Variants in OPHN1 observed in about 807,000 individuals in gnomAD.
OPHN1 encodes the protein oligophrenin 1, also known as oligophrenin-1.
In OPHN1, 11 loss-of-function variants were observed where a neutral mutation model predicts 60.7. The observed-to-expected ratio is 0.18, with a 90% CI of 0.11 to 0.30. The LOEUF (loss-of-function observed/expected upper bound fraction) is 0.30, where lower values mean the gene tolerates loss of function less well. OPHN1 is among the 10% of genes least tolerant of loss of function. The pLI is 1.00. For missense variants in OPHN1, 449 were observed against 611.0 expected (o/e 0.73, Z 2.80); for synonymous variants, 226 against 222.6 (o/e 1.02, Z -0.14).
At chrX:68,243,641 G>T (rs987496079) in intron 5 of OPHN1, among the ~76,000 whole-genome samples, 1 of 111,707 alleles carries the variant, frequency 9.0e-6, no homozygotes, top group Admixed American at 9.5e-5. Flanking sequence ...GCCCGTCTTG[G>T]CCTCCCAAAG....
intron 2 of OPHN1, among the ~76,000 whole-genome samples, chrX:68,336,676 G>A (rs1287269849): frequency 1.6e-5 from 1 of 61,392 alleles, no homozygotes; most frequent in Non-Finnish European, 2.5e-5. Context: ...GTGTGAGAGT[G>A]TGTGTGTGTG....
rs1462768193 is a variant in OPHN1 at position 68,064,052 on chromosome X, T to G, written c.1960A>C (p.Ser654Arg). 5.0e-6 allele frequency: 6 copies of G among 1,210,637 alleles called. No homozygotes were observed. The highest frequency in any genetic ancestry group is 6.7e-6 in the Non-Finnish European group (6 of 895,173). ...GETDPGRKSPSRPILDGKLEP... is the reference protein window; with the variant it reads ...GETDPGRKSPRRPILDGKLEP... ...AACTTGCCATCCAAAATAGGCCTGC[T>G]TGGGGACTTCCTCCCAGGATCAGTT... Residue 654 changes from serine to arginine, a missense_variant, in exon 21 of 25, where the codon AGC (serine) becomes CGC (arginine). Physicochemically the swap from Ser to Arg is moderately radical, Grantham distance 110. This residue lies in a region of OPHN1 where 184 missense variants were observed against 160.5 expected (regional missense o/e 1.15). Transcript: ENST00000355520.
At chrX:68,131,434 T>C (rs1324438727) in intron 15 of OPHN1, among the ~76,000 whole-genome samples, 2 of 110,404 alleles carry the variant, frequency 1.8e-5, no homozygotes, top group African/African-American at 3.3e-5. Flanking sequence ...CAGGCTATTC[T>C]TGAACTCCTG....
At chrX:68,164,053 C>T (rs957378568) in intron 15 of OPHN1, among the ~76,000 whole-genome samples, 1 of 111,652 alleles carries the variant, frequency 9.0e-6, no homozygotes, top group African/African-American at 3.3e-5. Flanking sequence ...ATCTAATCCT[C>T]ACAACGGTCA....
intron 15 of OPHN1, among the ~76,000 whole-genome samples, chrX:68,149,148 T>C (rs2147487120): frequency 9.0e-6 from 1 of 111,471 alleles, no homozygotes; most frequent in African/African-American, 3.3e-5. Flanking sequence ...TTTTAAGGAC[T>C]CTGCAAGACT....
rs923770424 is a variant in OPHN1, at chrX:68,415,603, A to G, written c.154+17264T>C. Among the ~76,000 whole-genome samples, 5 of 111,953 alleles carry G rather than the reference A, an allele frequency of 4.5e-5. 1 individual carries two copies. The highest frequency in any genetic ancestry group is 1.6e-4 in the African/African-American group (5 of 30,778). On this transcript the variant is annotated intron_variant, in intron 2 of 24. Transcript: ENST00000355520. ...AACTTCCCAACTGTGTCAAAGAGAG[A>G]AAAAGGTCCCTGTTAGCTTATGACA... is the stretch of plus-strand genomic sequence containing the variant.
At chrX:68,255,047 C>G (rs1189040246) in intron 5 of OPHN1, among the ~76,000 whole-genome samples, 1 of 105,383 alleles carries the variant, frequency 9.5e-6, no homozygotes, top group East Asian at 3.0e-4. Flanking sequence ...AGAGCTCCCC[C>G]ACTTCCTTTC....
chrX:68,299,096 T>C lies in OPHN1; in HGVS notation c.155A>G (p.Asn52Ser). The change falls in exon 3 of 25, where the codon AAT (asparagine) becomes AGT (serine). Residue 52 changes from asparagine to serine, a missense_variant and splice_region_variant. By Grantham distance (46) the Asn-to-Ser change is conservative. Coordinates refer to ENST00000355520, the MANE Select transcript of OPHN1 (RefSeq NM_002547.3). ...AAATTTCTGAACAGCAGAAGAATAA[T>C]CTGCAAAGGAAGGGTAACAAGAGAA... Reference protein sequence around the residue: ...DGNALISAMRNYSSAVQKFSQ... With the variant: ...DGNALISAMRSYSSAVQKFSQ... 8.8e-7 allele frequency: 1 copy of C among 1,132,598 alleles called. No homozygotes were observed. Among genetic ancestry groups the C allele is most frequent in the Non-Finnish European group, 1.2e-6 (1 of 828,732 alleles). 93.3% of individuals were successfully genotyped at this position (1,132,598 alleles called of 1,213,427 possible).
At chrX:68,394,019 C>T (rs896312931) in intron 2 of OPHN1, among the ~76,000 whole-genome samples, 59 of 103,224 alleles carry the variant, frequency 5.7e-4, no homozygotes, top group African/African-American at 1.9e-3. Flanking sequence ...CCTCAGCCTC[C>T]CGAGTAGCTG....
intron 2 of OPHN1, among the ~76,000 whole-genome samples, chrX:68,324,512 C>T (rs1470581767): frequency 2.9e-5 from 3 of 104,988 alleles, no homozygotes; most frequent in African/African-American, 1.1e-4. Flanking sequence ...CAGAGGCTGA[C>T]GTGGGAGGAG....
chrX:68,169,041 C>T (rs1342203106), intron 15 of OPHN1, among the ~76,000 whole-genome samples: 1 of 111,351 alleles, frequency 9.0e-6, no homozygotes, highest in Non-Finnish European at 1.9e-5. Context: ...GAGTGCAGGA[C>T]CAGATGGATT....
intron 5 of OPHN1, among the ~76,000 whole-genome samples, chrX:68,266,863 G>C (rs1015568932): frequency 1.8e-5 from 2 of 111,007 alleles, no homozygotes. Flanking sequence ...GCAAAAAAAA[G>C]CAGGGTTTGC....
intron 20 of OPHN1, among the ~76,000 whole-genome samples, chrX:68,069,754 C>T (rs1455412040): frequency 9.0e-6 from 1 of 110,633 alleles, no homozygotes; most frequent in Non-Finnish European, 1.9e-5. Flanking sequence ...AAGAAAAGGT[C>T]TCTATGAGAA....
chrX:68,228,074 G>T (rs1190764099), intron 6 of OPHN1, among the ~76,000 whole-genome samples: 1 of 111,247 alleles, frequency 9.0e-6, no homozygotes, highest in East Asian at 2.8e-4. Flanking sequence ...TGATAAAGGG[G>T]ATATCACCAC....
chrX:68,184,693 T>C (rs1329765036), intron 15 of OPHN1, among the ~76,000 whole-genome samples: 25 of 109,729 alleles, frequency 2.3e-4, no homozygotes, highest in African/African-American at 8.3e-4. Flanking sequence ...GCCTCCCAGG[T>C]TCAAGCGATT....
chrX:68,370,916 T>A (rs2078524916), intron 2 of OPHN1, among the ~76,000 whole-genome samples: 1 of 111,234 alleles, frequency 9.0e-6, no homozygotes, highest in African/African-American at 3.3e-5. Flanking sequence ...TACAAAAAAA[T>A]CAATTAATAC....
At chrX:68,194,157 C>T (rs1249632518) in intron 13 of OPHN1, among the ~76,000 whole-genome samples, 1 of 112,083 alleles carries the variant, frequency 8.9e-6, no homozygotes, top group Non-Finnish European at 1.9e-5. Context: ...ATATTTAGCC[C>T]TTTGAATTGT....
intron 2 of OPHN1, among the ~76,000 whole-genome samples, chrX:68,301,445 C>CAAAA (rs56927719): frequency 2.8e-5 from 1 of 35,333 alleles, no homozygotes; most frequent in African/African-American, 9.0e-5. Context: ...GACTCCATCT[C>CAAAA]AAAAAAAAAA....
chrX:68,168,793 T>C (rs1285891550), intron 15 of OPHN1, among the ~76,000 whole-genome samples: 3 of 110,713 alleles, frequency 2.7e-5, no homozygotes, highest in South Asian at 3.9e-4. Context: ...AAGAATCAAA[T>C]AGATGCAATA....
Sources: allele counts gnomAD v4.1 joint callset (sites outside exome capture counted in the v4.1 genomes callset), GRCh38; gene constraint gnomAD v4.1.1; regional missense constraint gnomAD v4.1.1; transcripts MANE v1.5; gene names NCBI Gene and HGNC (gene_info 2026-07-23, HGNC 2026-07-21).